MCTP1: variants seen among roughly 807,000 people sequenced by gnomAD.
The protein encoded by MCTP1 is multiple C2 and transmembrane domain-containing protein 1.
Under a neutral mutation model 120.6 loss-of-function variants are expected in MCTP1, and 69 were observed. The ratio of observed to expected loss-of-function variants is 0.57; its 90% CI spans 0.47 to 0.70. The LOEUF (loss-of-function observed/expected upper bound fraction) is 0.70, where lower values mean the gene tolerates loss of function less well. MCTP1 is among the 30% of genes least tolerant of loss of function. The pLI is 0.00. For synonymous variants in MCTP1, 529 were observed against 493.1 expected, an observed-to-expected ratio of 1.07 and a Z score of -0.96; for missense variants, 1,203 against 1,248.8, an observed-to-expected ratio of 0.96 and a Z score of 0.55.
chr5:95,162,484 GCAAA>G (rs1437534744), intron 1 of MCTP1, among the ~76,000 whole-genome samples: 2 of 152,076 alleles, frequency 1.3e-5, no homozygotes, highest in African/African-American at 2.4e-5. Flanking sequence ...AGGCTGTGAA[GCAAA>G]CAGTGAAGTT....
intron 1 of MCTP1, among the ~76,000 whole-genome samples, chr5:95,203,224 G>A (rs777596026): frequency 1.3e-5 from 2 of 152,090 alleles, no homozygotes; most frequent in African/African-American, 4.8e-5. Flanking sequence ...TATTTTGAAC[G>A]TTACTTCCAA....
At chr5:94,973,128 C>G (rs1344190876) in intron 2 of MCTP1, among the ~76,000 whole-genome samples, 1 of 152,158 alleles carries the variant, frequency 6.6e-6, no homozygotes, top group African/African-American at 2.4e-5. Flanking sequence ...CAGTATTTTA[C>G]AGATGAGTAA....
chr5:94,805,842 T>C (rs1782158710), intron 17 of MCTP1, among the ~76,000 whole-genome samples: 2 of 146,910 alleles, frequency 1.4e-5, no homozygotes, highest in African/African-American at 5.1e-5. Flanking sequence ...CCTAATCTAG[T>C]ATGCTGTTCC....
chr5:95,210,726 G>A (rs970868238), intron 1 of MCTP1, among the ~76,000 whole-genome samples: 1 of 151,554 alleles, frequency 6.6e-6, no homozygotes, highest in African/African-American at 2.4e-5. Context: ...TATGATGTTA[G>A]CTGGTTATTT....
At chr5:95,062,153 T>C (rs1233319878) in intron 1 of MCTP1, among the ~76,000 whole-genome samples, 1 of 152,260 alleles carries the variant, frequency 6.6e-6, no homozygotes, top group Non-Finnish European at 1.5e-5. Flanking sequence ...TGGGATTTGG[T>C]CATAGTATTG....
chr5:95,078,066 C>CCA (rs1754074601), intron 1 of MCTP1, among the ~76,000 whole-genome samples: 1 of 152,144 alleles, frequency 6.6e-6, no homozygotes, highest in African/African-American at 2.4e-5. Flanking sequence ...ATCCATCCAT[C>CCA]TTGTTTGCAA....
At chr5:95,098,358 T>C (rs951037442) in intron 1 of MCTP1, among the ~76,000 whole-genome samples, 2 of 152,244 alleles carry the variant, frequency 1.3e-5, no homozygotes, top group Non-Finnish European at 2.9e-5. Context: ...GCAATCTTGA[T>C]GTGTCATTTG....
At chr5:94,928,086 A>G (rs1428567909) in intron 6 of MCTP1, among the ~76,000 whole-genome samples, 3 of 152,136 alleles carry the variant, frequency 2.0e-5, no homozygotes, top group Non-Finnish European at 4.4e-5. Flanking sequence ...TATGAATTGC[A>G]ATGCGTATGT....
Position 94,932,745 on chromosome 5 carries a change from T to A in MCTP1, c.1174-754A>T, listed in dbSNP as rs1417329463. ...AGTATTAACCTTCCTGATTAACCTC[T>A]TTCCCCTCTCTTTGCTTTACTATTA... On this transcript the variant is annotated intron_variant, in intron 5 of 22. Coordinates refer to ENST00000515393, the MANE Select transcript of MCTP1 (RefSeq NM_024717.7). Among the ~76,000 whole-genome samples the A allele has an allele frequency of 2.0e-5, 3 of 152,044 alleles. No individual in the cohort carries two copies. In the East Asian group the frequency reaches 5.8e-4, roughly 29 times the overall value.
At chr5:95,147,567 C>G (rs936776153) in intron 1 of MCTP1, among the ~76,000 whole-genome samples, 2 of 152,216 alleles carry the variant, frequency 1.3e-5, no homozygotes, top group Non-Finnish European at 2.9e-5. Flanking sequence ...CTTTCTCCAT[C>G]TCATTACTTT....
At chr5:95,161,362 A>T (rs1387139445) in intron 1 of MCTP1, among the ~76,000 whole-genome samples, 1 of 152,052 alleles carries the variant, frequency 6.6e-6, no homozygotes, top group Non-Finnish European at 1.5e-5. Context: ...GATACTGCAT[A>T]TCTCACTCAT....
At chr5:95,169,975 C>A (rs1747012892) in intron 1 of MCTP1, among the ~76,000 whole-genome samples, 1 of 152,124 alleles carries the variant, frequency 6.6e-6, no homozygotes, top group Non-Finnish European at 1.5e-5. Context: ...TTTGCTCTTG[C>A]TTCTCTAGTT....
chr5:94,917,832 C>G (rs1810493182), intron 8 of MCTP1, 64 bp downstream of exon 8: 4 of 1,313,220 alleles, frequency 3.0e-6, no homozygotes, highest in Admixed American at 1.7e-5. Flanking sequence ...AGTAAGTTGG[C>G]TCTCAGAAAT....
chr5:94,823,176 T>C (rs896499121), intron 17 of MCTP1, among the ~76,000 whole-genome samples: 3 of 152,182 alleles, frequency 2.0e-5, no homozygotes, highest in Non-Finnish European at 2.9e-5. Flanking sequence ...GTTTTTATGG[T>C]TTTAGGTCTT....
At chr5:95,167,529 T>G (rs1746579177) in intron 1 of MCTP1, among the ~76,000 whole-genome samples, 1 of 152,168 alleles carries the variant, frequency 6.6e-6, no homozygotes, top group Non-Finnish European at 1.5e-5. Flanking sequence ...CCACCAACAG[T>G]GTAAAAGTGT....
rs9885412 is a variant in MCTP1 at position 94,894,653 on chromosome 5, C to T, written c.1835G>A (p.Arg612Lys). 172,152 of 1,594,698 alleles carry T rather than the reference C, an allele frequency of 0.11. 9,784 individuals carry two copies. Among genetic ancestry groups the T allele is most frequent in the Middle Eastern group, 0.13 (754 of 5,880 alleles). The change falls in exon 11 of 23, where the codon AGA becomes AAA. Residue 612 changes from arginine to lysine, a missense_variant. Physicochemically the swap from Arg to Lys is conservative, Grantham distance 26. This residue lies in a region of MCTP1 where 740 missense variants were observed against 871.1 expected (regional missense o/e 0.85). Coordinates refer to ENST00000515393, the MANE Select transcript of MCTP1 (RefSeq NM_024717.7). ...GGAGGAGGGTTACATACGTACATAT[C>T]TCTTTAATATCTCCTCTCGTTCCTT... ...DQKEREEILK[R>K]YSPLRIFHNL...
chr5:95,227,697 G>T (rs1033870277), intron 1 of MCTP1, among the ~76,000 whole-genome samples: 1 of 152,078 alleles, frequency 6.6e-6, no homozygotes, highest in African/African-American at 2.4e-5. Flanking sequence ...TCTGAAGATG[G>T]GGGAGCTTAA....
In MCTP1 at chr5:94,714,930, C is replaced by T. The variant is rs1453518959; in HGVS notation, c.2611-44G>A. The stretch of plus-strand genomic sequence containing the variant: ...GAAATTCTGTATGAGTAAAGGTATT[C>T]TTCATTGCTTGAATTCTTTGTGTTG... On this transcript the variant is annotated intron_variant, in intron 19 of 22. Coordinates refer to ENST00000515393, the MANE Select transcript of MCTP1 (RefSeq NM_024717.7). 6 of 1,093,346 alleles carry T rather than the reference C, an allele frequency of 5.5e-6. No individual in the cohort carries two copies. The South Asian group carries it at 6.5e-5, about 12-fold the overall frequency. The allele number at this position is 1,093,346 out of a possible 1,614,324, so 67.7% of individuals were successfully genotyped here. A position where few individuals can be genotyped will look rare whatever the true frequency, so the allele number is the denominator to read the frequency against.
chr5:95,210,281 G>T (rs1752184653), intron 1 of MCTP1, among the ~76,000 whole-genome samples: 1 of 151,942 alleles, frequency 6.6e-6, no homozygotes, highest in Admixed American at 6.6e-5. Context: ...GGGTGTTAAG[G>T]TCTCCCATTA....
Sources: allele counts gnomAD v4.1 joint callset (sites outside exome capture counted in the v4.1 genomes callset), GRCh38; gene constraint gnomAD v4.1.1; regional missense constraint gnomAD v4.1.1; transcripts MANE v1.5; gene names NCBI Gene and HGNC (gene_info 2026-07-23, HGNC 2026-07-21).